Variants in PIP4K2A observed in about 807,000 individuals in gnomAD.
PIP4K2A encodes phosphatidylinositol 5-phosphate 4-kinase type-2 alpha.
In PIP4K2A, 14 loss-of-function variants were observed where a neutral mutation model predicts 42.9. That is an observed-to-expected ratio of 0.33 (90% CI 0.22 to 0.51). The LOEUF (loss-of-function observed/expected upper bound fraction) is 0.51, where lower values mean the gene tolerates loss of function less well. PIP4K2A is among the 20% of genes least tolerant of loss of function. PIP4K2A has a pLI of 0.97. For missense variants in PIP4K2A, 434 were observed against 519.8 expected (o/e 0.83, Z 1.61); for synonymous variants, 192 against 192.2 (o/e 1.00, Z 0.01).
chr10:22,633,722 C>T (rs1202099414), intron 1 of PIP4K2A, among the ~76,000 whole-genome samples: 3 of 152,164 alleles, frequency 2.0e-5, no homozygotes, highest in African/African-American at 7.2e-5. Flanking sequence ...AAAAATGCTT[C>T]ACACAACTGG....
chr10:22,686,604 A>G (rs7100360), intron 1 of PIP4K2A, among the ~76,000 whole-genome samples: 66,203 of 151,914 alleles, frequency 0.44, 16,387 homozygotes, highest in African/African-American at 0.68. Flanking sequence ...CTGAGTACTG[A>G]GACCACAGGC....
In PIP4K2A at chr10:22,598,340, A is replaced by G. The variant is rs367690931; in HGVS notation, c.340-6559T>C. On this transcript the variant is annotated intron_variant, in intron 3 of 9. Coordinates refer to ENST00000376573, the MANE Select transcript of PIP4K2A (RefSeq NM_005028.5). Reference sequence around the variant, plus strand: ...ACCACTGCACTCCAGCCTAGTTGACAGACAGAGACTCTGTTAAAAAATAAA... The same window carrying G: ...ACCACTGCACTCCAGCCTAGTTGACGGACAGAGACTCTGTTAAAAAATAAA... 3.9e-5 allele frequency among the ~76,000 whole-genome samples: 6 copies of G among 152,334 alleles called. No individual in the cohort carries two copies. In the South Asian group the frequency reaches 6.2e-4, roughly 16 times the overall value.
chr10:22,671,753 C>T (rs1839455199), intron 1 of PIP4K2A, among the ~76,000 whole-genome samples: 1 of 117,618 alleles, frequency 8.5e-6, no homozygotes, highest in Admixed American at 7.9e-5. Flanking sequence ...AATACACACA[C>T]ACACACACAC....
At chr10:22,687,126 G>A (rs1322267184) in intron 1 of PIP4K2A, among the ~76,000 whole-genome samples, 2 of 147,728 alleles carry the variant, frequency 1.4e-5, no homozygotes, top group African/African-American at 5.0e-5. Context: ...AATTCAAGTA[G>A]GCAAGAATAA....
In PIP4K2A at chr10:22,643,728, A is replaced by C. The variant is rs1032934489; in HGVS notation, c.145-34011T>G. 4.6e-5 allele frequency among the ~76,000 whole-genome samples: 7 copies of C among 151,898 alleles called. No individual in the cohort carries two copies. In the East Asian group the frequency reaches 1.4e-3, roughly 29 times the overall value. ...CCACACTTCCCTTGCAGCCCCCCTC[A>C]AGTATTTTTTTCTTCTGCGCAGGAA... On this transcript the variant is annotated intron_variant, in intron 1 of 9. Transcript: ENST00000376573.
At chr10:22,608,170 C>T in intron 2 of PIP4K2A, 147 bp from the exon 3 acceptor site, 2 of 549,936 alleles carry the variant, frequency 3.6e-6, no homozygotes, top group South Asian at 5.3e-5. Context: ...CCAGGTACAA[C>T]CCGCAGAAAG....
intron 3 of PIP4K2A, among the ~76,000 whole-genome samples, chr10:22,592,192 A>C (rs903371401): frequency 5.3e-5 from 8 of 152,232 alleles, no homozygotes; most frequent in Non-Finnish European, 1.2e-4. Flanking sequence ...TTTTGCACAG[A>C]TTATTTCCCC....
At chr10:22,713,873 G>A (rs1408332669) in intron 1 of PIP4K2A, 3 of 209,348 alleles carry the variant, frequency 1.4e-5, no homozygotes, top group Non-Finnish European at 2.9e-5. Flanking sequence ...CCAGGCTGCG[G>A]GGACCGACCT....
intron 1 of PIP4K2A, among the ~76,000 whole-genome samples, chr10:22,654,586 T>G (rs1839059396): frequency 6.6e-6 from 1 of 152,128 alleles, no homozygotes; most frequent in South Asian, 2.1e-4. Flanking sequence ...TGAGAAACAA[T>G]GTCTTCAGAG....
At chr10:22,697,225 A>G (rs1405226260) in intron 1 of PIP4K2A, among the ~76,000 whole-genome samples, 17 of 152,198 alleles carry the variant, frequency 1.1e-4, no homozygotes, top group African/African-American at 2.4e-5. Context: ...CTAAATGGAA[A>G]GAAGCCTGAG....
chr10:22,537,533 C>A lies in PIP4K2A; in HGVS notation c.1141-252G>T, dbSNP rs1296753826. On this transcript the variant is annotated intron_variant, in intron 9 of 9. Transcript: ENST00000376573. ...GGAGCACCAGATGCTACCACACACA[C>A]CGGGGCTGTTGCAACTCACAAAAAA... Among the ~76,000 whole-genome samples the A allele has an allele frequency of 2.6e-5, 4 of 152,226 alleles. No individual in the cohort carries two copies. In the East Asian group the frequency reaches 5.8e-4, roughly 22 times the overall value.
chr10:22,553,851 A>AT (rs1836470754), intron 6 of PIP4K2A, among the ~76,000 whole-genome samples: 1 of 147,794 alleles, frequency 6.8e-6, no homozygotes, highest in South Asian at 2.1e-4. Flanking sequence ...TAAGAACAAG[A>AT]TAGGCTGGGC....
intron 3 of PIP4K2A, among the ~76,000 whole-genome samples, chr10:22,601,130 CAAAAAAAAAAAA>C (rs1188396077): frequency 3.1e-5 from 1 of 31,896 alleles, no homozygotes; most frequent in Non-Finnish European, 8.8e-5. Flanking sequence ...GAGACTGTCT[CAAAAAAAAAAAA>C]AAAAAAAAAA....
At chr10:22,618,844 TC>T (rs1162342835) in intron 1 of PIP4K2A, among the ~76,000 whole-genome samples, 2 of 152,228 alleles carry the variant, frequency 1.3e-5, no homozygotes, top group Non-Finnish European at 1.5e-5. Flanking sequence ...GAAAGTTGTG[TC>T]CAATTTGTTT....
chr10:22,674,258 C>T (rs1167232149), intron 1 of PIP4K2A, among the ~76,000 whole-genome samples: 1 of 152,098 alleles, frequency 6.6e-6, no homozygotes, highest in Non-Finnish European at 1.5e-5. Flanking sequence ...CATATCAACA[C>T]TGTTCTTCTC....
chr10:22,697,268 A>T (rs1032386629), intron 1 of PIP4K2A, among the ~76,000 whole-genome samples: 1 of 152,212 alleles, frequency 6.6e-6, no homozygotes, highest in African/African-American at 2.4e-5. Context: ...CTGAGCTTCC[A>T]CACCTGCCTT....
chr10:22,700,463 G>A (rs912731942), intron 1 of PIP4K2A, among the ~76,000 whole-genome samples: 1 of 152,178 alleles, frequency 6.6e-6, no homozygotes, highest in Admixed American at 6.5e-5. Flanking sequence ...GCTTGGGAAC[G>A]TGACATGAGA....
chr10:22,569,108 T>TA, intron 5 of PIP4K2A: 4 of 1,259,082 alleles, frequency 3.2e-6, no homozygotes, highest in Non-Finnish European at 4.5e-6. Context: ...AGCTCAGGCA[T>TA]TGACTAGGAT....
intron 1 of PIP4K2A, among the ~76,000 whole-genome samples, chr10:22,613,051 GGCAGGAAGTGAAAAA>G (rs1192400199): frequency 6.6e-6 from 1 of 152,172 alleles, no homozygotes; most frequent in Non-Finnish European, 1.5e-5. Context: ...CTGCCATCGA[GGCAGGAAGTGAAAAA>G]GCACAGGGCC....
Sources: gnomAD v4.1 joint callset for allele counts (sites outside exome capture counted in the v4.1 genomes callset) on GRCh38, gnomAD v4.1.1 for gene constraint, MANE v1.5 for transcripts, NCBI Gene and HGNC (gene_info 2026-07-23, HGNC 2026-07-21) for gene names.